Variants in CADPS2 observed in about 807,000 individuals in gnomAD.
CADPS2 encodes the protein calcium dependent secretion activator 2, also known as calcium-dependent secretion activator 2.
CADPS2 carries 93 observed loss-of-function variants against 172.5 expected under a neutral mutation model. That is an observed-to-expected ratio of 0.54 (90% CI 0.46 to 0.64). The LOEUF (loss-of-function observed/expected upper bound fraction) is 0.64, where lower values mean the gene tolerates loss of function less well. CADPS2 is among the 30% of genes least tolerant of loss of function. The pLI is 0.00. For missense variants in CADPS2, 1,420 were observed against 1,565.9 expected, an observed-to-expected ratio of 0.91 and a Z score of 1.57; for synonymous variants, 546 against 555.2, an observed-to-expected ratio of 0.98 and a Z score of 0.23.
chr7:122,757,802 T>C (rs988185145), intron 1 of CADPS2, among the ~76,000 whole-genome samples: 2 of 152,108 alleles, frequency 1.3e-5, no homozygotes, highest in East Asian at 1.9e-4. Context: ...ACGATACTGC[T>C]TGTGCATAAC....
At chr7:122,731,183 A>G (rs80141791) in intron 2 of CADPS2, among the ~76,000 whole-genome samples, 2,156 of 151,822 alleles carry the variant, frequency 0.014, 54 homozygotes, top group African/African-American at 0.049. Flanking sequence ...TAAACAAATG[A>G]AAACAGTAAG....
At chr7:122,708,386 T>C (rs1312704358) in intron 2 of CADPS2, among the ~76,000 whole-genome samples, 1 of 150,638 alleles carries the variant, frequency 6.6e-6, no homozygotes, top group African/African-American at 2.4e-5. Flanking sequence ...ATAGGATAGT[T>C]AGAATATTCA....
chr7:122,792,021 C>T (rs541298294), intron 1 of CADPS2, among the ~76,000 whole-genome samples: 6 of 152,190 alleles, frequency 3.9e-5, no homozygotes, highest in African/African-American at 1.2e-4. Context: ...TTTGCTTTCC[C>T]CTGAATACAG....
chr7:122,448,956 C>G (rs2052672892), intron 15 of CADPS2, among the ~76,000 whole-genome samples: 1 of 152,040 alleles, frequency 6.6e-6, no homozygotes, highest in African/African-American at 2.4e-5. Context: ...ATTATGTTAT[C>G]TTACTACTAG....
chr7:122,698,907 G>A lies in CADPS2; in HGVS notation c.454-35338C>T, dbSNP rs747491181. On this transcript the variant is annotated intron_variant, in intron 2 of 29. Coordinates refer to ENST00000449022, the MANE Select transcript of CADPS2 (RefSeq NM_017954.11). ...TGTTGTTTCTCCAAGTGCCAACCTT[G>A]AGTAGATGCATCTCTCTCTTCTCCG... 5 of 1,582,972 alleles carry A rather than the reference G, an allele frequency of 3.2e-6. No individual in the cohort carries two copies. The South Asian group carries it at 3.5e-5, about 11-fold the overall frequency.
At chr7:122,327,516 C>A (rs1318049216) in intron 28 of CADPS2, among the ~76,000 whole-genome samples, 4 of 152,010 alleles carry the variant, frequency 2.6e-5, no homozygotes, top group Non-Finnish European at 5.9e-5. Context: ...TGTTAGACTG[C>A]ACAGTTACTG....
intron 6 of CADPS2, among the ~76,000 whole-genome samples, chr7:122,604,385 C>A (rs1444032222): frequency 1.3e-5 from 2 of 152,076 alleles, no homozygotes; most frequent in African/African-American, 2.4e-5. Flanking sequence ...AAGATTTGTA[C>A]TTTAATGCCC....
intron 3 of CADPS2, among the ~76,000 whole-genome samples, chr7:122,631,563 G>A (rs575338135): frequency 6.6e-6 from 1 of 151,960 alleles, no homozygotes; most frequent in Non-Finnish European, 1.5e-5. Context: ...ACAGGCATAA[G>A]CCACCGCACC....
At chr7:122,688,693 A>G in intron 2 of CADPS2, among the ~76,000 whole-genome samples, 1 of 152,162 alleles carries the variant, frequency 6.6e-6, no homozygotes, top group Admixed American at 6.5e-5. Context: ...CAGGGCAATG[A>G]TACCTTTTAC....
chr7:122,379,562 G>A, intron 24 of CADPS2, 120 bp from the exon 25 acceptor site: 1 of 691,574 alleles, frequency 1.4e-6, no homozygotes, highest in South Asian at 1.6e-5. Flanking sequence ...TGATCATTTA[G>A]AACATTAAAA....
chr7:122,622,330 A>T (rs2075685506), intron 4 of CADPS2, among the ~76,000 whole-genome samples: 2 of 152,238 alleles, frequency 1.3e-5, no homozygotes, highest in Admixed American at 6.5e-5. Context: ...AAAGGCTTAG[A>T]AAAAGTTAAG....
intron 1 of CADPS2, among the ~76,000 whole-genome samples, chr7:122,874,098 A>G (rs1820566129): frequency 6.6e-6 from 1 of 151,928 alleles, no homozygotes; most frequent in African/African-American, 2.4e-5. Flanking sequence ...TTTTTCTCCC[A>G]TTCTGTAGGT....
At position 122,749,714 on chromosome 7, in the gene CADPS2, C is replaced by CA. The variant is rs201827445; in HGVS notation, c.340-12647dup. On this transcript the variant is annotated intron_variant, in intron 1 of 29. Transcript: ENST00000449022. ...CTTTAAACTTACCAAATTTTAGTGG[C>CA]AAAAATGCCATGCTAACTTCAATAC... Among the ~76,000 whole-genome samples, 1,076 of 151,862 alleles carry CA rather than the reference C, an allele frequency of 7.1e-3. 8 individuals carry two copies. The highest frequency in any genetic ancestry group is 0.02 in the Middle Eastern group (6 of 294).
intron 13 of CADPS2, among the ~76,000 whole-genome samples, chr7:122,473,650 T>C (rs1313371622): frequency 3.3e-5 from 5 of 152,144 alleles, no homozygotes. Flanking sequence ...GCTGCAAAAA[T>C]TTCAGATGAA....
chr7:122,554,408 G>A, intron 8 of CADPS2, 142 bp downstream of exon 8: 1 of 767,174 alleles, frequency 1.3e-6, no homozygotes, highest in South Asian at 2.1e-5. Flanking sequence ...AAAACATTGA[G>A]TAAGATAACT....
intron 6 of CADPS2, among the ~76,000 whole-genome samples, chr7:122,599,961 C>T (rs1394585044): frequency 6.6e-6 from 1 of 151,968 alleles, no homozygotes; most frequent in Non-Finnish European, 1.5e-5. Context: ...TCATCCATGC[C>T]ATATGGATAA....
At chr7:122,724,510 G>A (rs1324073531) in intron 2 of CADPS2, among the ~76,000 whole-genome samples, 1 of 152,070 alleles carries the variant, frequency 6.6e-6, no homozygotes, top group African/African-American at 2.4e-5. Flanking sequence ...GGAAAGGAAT[G>A]CTGTAGGTAA....
chr7:122,462,934 T>A (rs1179404750), intron 14 of CADPS2, among the ~76,000 whole-genome samples: 1 of 152,124 alleles, frequency 6.6e-6, no homozygotes, highest in Admixed American at 6.5e-5. Context: ...TGTGACATAA[T>A]GAGATTTTGT....
At chr7:122,870,679 A>C (rs911891169) in intron 1 of CADPS2, among the ~76,000 whole-genome samples, 2 of 152,076 alleles carry the variant, frequency 1.3e-5, no homozygotes, top group African/African-American at 4.8e-5. Flanking sequence ...GGATATGTTA[A>C]TTAGATTGAA....
Sources: allele counts gnomAD v4.1 joint callset (sites outside exome capture counted in the v4.1 genomes callset), GRCh38; gene constraint gnomAD v4.1.1; transcripts MANE v1.5; gene names NCBI Gene and HGNC (gene_info 2026-07-23, HGNC 2026-07-21).